Variants in ATG7 observed in about 807,000 individuals in gnomAD.
The protein encoded by ATG7 is autophagy related 7, also known as ubiquitin-like modifier-activating enzyme ATG7.
ATG7 carries 70 observed loss-of-function variants against 82.4 expected under a neutral mutation model. The ratio of observed to expected loss-of-function variants is 0.85; its 90% confidence interval spans 0.70 to 1.04. ATG7 has a LOEUF of 1.04. ATG7 is among the 50% of genes least tolerant of loss of function. The probability of loss-of-function intolerance (pLI) is 0.00; values close to 1 mark genes in which losing one functional copy is unlikely to be tolerated. For synonymous variants in ATG7, 287 were observed against 313.0 expected, an observed-to-expected ratio of 0.92 and a Z score of 0.88; for missense variants, 792 against 864.3, an observed-to-expected ratio of 0.92 and a Z score of 1.05.
At chr3:11,316,932 C>CT (rs148419342) in intron 9 of ATG7, among the ~76,000 whole-genome samples, 4 of 149,726 alleles carry the variant, frequency 2.7e-5, no homozygotes, top group South Asian at 2.1e-4. Flanking sequence ...CTTAGGATGA[C>CT]TTTTTTTTTT....
intron 7 of ATG7, 115 bp downstream of exon 7, chr3:11,309,176 A>G (rs1948239944): frequency 9.7e-7 from 1 of 1,026,042 alleles, no homozygotes; most frequent in African/African-American, 1.6e-5. Context: ...TGTTACTTAA[A>G]TAATAGCTGT....
At chr3:11,489,291 T>G in intron 20 of ATG7, among the ~76,000 whole-genome samples, 1 of 152,218 alleles carries the variant, frequency 6.6e-6, no homozygotes, top group Non-Finnish European at 1.5e-5. Flanking sequence ...TATTCTCTGA[T>G]GGTATTTTGT....
intron 9 of ATG7, among the ~76,000 whole-genome samples, chr3:11,331,032 C>G (rs1194343257): frequency 1.3e-5 from 2 of 152,056 alleles, no homozygotes; most frequent in South Asian, 2.1e-4. Context: ...CTTGACTGTC[C>G]TCCTTCATTC....
rs142749866 is a variant in ATG7, at chr3:11,480,568, T to G, written c.2079+53642T>G. ...GGGCAACAAAGTATGAGACCCTGTT[T>G]CAAGAAACAGACAAAAAAACCTTAC... On this transcript the variant is annotated intron_variant, in intron 20 of 20. Transcript: ENST00000693202. 6.4e-4 allele frequency among the ~76,000 whole-genome samples: 97 copies of G among 151,892 alleles called. 1 individual carries two copies. Among genetic ancestry groups the G allele is most frequent in the Middle Eastern group, 3.4e-3 (1 of 294 alleles).
intron 20 of ATG7, among the ~76,000 whole-genome samples, chr3:11,462,754 C>T (rs1425492240): frequency 2.0e-5 from 3 of 152,070 alleles, no homozygotes; most frequent in African/African-American, 7.2e-5. Flanking sequence ...GGGCAGTCTT[C>T]CCAGCTAGAA....
chr3:11,474,000 T>G (rs1389396069), intron 20 of ATG7, among the ~76,000 whole-genome samples: 1 of 152,230 alleles, frequency 6.6e-6, no homozygotes, highest in Non-Finnish European at 1.5e-5. Flanking sequence ...ACATCTGATT[T>G]GGCAAGACAG....
downstream of ATG7, chr3:11,559,377 C>T (rs1467789633): frequency 3.2e-6 from 5 of 1,554,310 alleles, no homozygotes; most frequent in Admixed American, 5.8e-5. Flanking sequence ...GCGGCACAGC[C>T]GCTGTGCGCG....
intron 20 of ATG7, among the ~76,000 whole-genome samples, chr3:11,515,297 C>CGTGTGTGTGTATGTGTGTGTGTAT (rs11276590): frequency 1.3e-5 from 2 of 151,216 alleles, no homozygotes; most frequent in African/African-American, 2.4e-5. Context: ...GTCTCTTGCG[C>CGTGTGTGTGTATGTGTGTGTGTAT]GTGTGTGTGT....
rs959327951 is a variant in ATG7, at chr3:11,488,453, G to A, written c.2079+61527G>A. 5.4e-4 allele frequency: 689 copies of A among 1,278,684 alleles called. 2 individuals carry two copies. The African/African-American group carries it at 5.7e-3, about 11-fold the overall frequency. 79.2% of individuals were successfully genotyped at this position (1,278,684 alleles called of 1,614,324 possible). On this transcript the variant is annotated intron_variant, in intron 20 of 20. Transcript: ENST00000693202. ...CGGGCAGCGGCGGCTGCGGTCGGTC[G>A]CGGCAGCGGCTCCGCTTCATATCTG...
chr3:11,493,371 T>TG (rs746918339), intron 20 of ATG7, among the ~76,000 whole-genome samples: 40 of 152,248 alleles, frequency 2.6e-4, no homozygotes, highest in Non-Finnish European at 5.0e-4. Context: ...AGACACAGGA[T>TG]GGGGGGACAG....
chr3:11,426,485 C>A (rs993436911), intron 19 of ATG7, among the ~76,000 whole-genome samples: 1 of 151,892 alleles, frequency 6.6e-6, no homozygotes, highest in Non-Finnish European at 1.5e-5. Flanking sequence ...TTTCTCTCAC[C>A]TGTTCTTTTC....
intron 7 of ATG7, among the ~76,000 whole-genome samples, chr3:11,310,017 T>C (rs965432091): frequency 1.3e-5 from 2 of 151,906 alleles, no homozygotes; most frequent in African/African-American, 4.8e-5. Flanking sequence ...AATATAAAAA[T>C]TAGCTGGGTG....
chr3:11,564,560 A>G, the ATG7 span, among the ~76,000 whole-genome samples: 1 of 152,038 alleles, frequency 6.6e-6, no homozygotes, highest in African/African-American at 2.4e-5. Flanking sequence ...CGTGAGTGCT[A>G]AGAGGCAAGG....
chr3:11,475,819 G>A (rs544160960), intron 20 of ATG7, among the ~76,000 whole-genome samples: 2 of 149,576 alleles, frequency 1.3e-5, no homozygotes, highest in South Asian at 4.3e-4. Flanking sequence ...TAGGCAGTTG[G>A]TATTATTTCT....
At chr3:11,393,123 A>G (rs536182363) in intron 19 of ATG7, among the ~76,000 whole-genome samples, 1 of 152,270 alleles carries the variant, frequency 6.6e-6, no homozygotes, top group African/African-American at 2.4e-5. Flanking sequence ...CCAGAGTGCC[A>G]CTGCAGAAAG....
At chr3:11,287,499 T>C (rs992611290) in intron 3 of ATG7, among the ~76,000 whole-genome samples, 1 of 151,994 alleles carries the variant, frequency 6.6e-6, no homozygotes, top group Admixed American at 6.6e-5. Context: ...GGCCGTGGGG[T>C]AGAACTAGAA....
chr3:11,565,353 G>A, the ATG7 span, among the ~76,000 whole-genome samples: 10 of 152,294 alleles, frequency 6.6e-5, no homozygotes, highest in African/African-American at 1.4e-4. This position sits in a 1 kb window ranked among gnomAD's most constrained non-coding sequence, Gnocchi z 4.1. Context: ...AAGCTGGTTC[G>A]ATAAGGACCT....
chr3:11,455,862 T>C (rs1409875990), intron 20 of ATG7, among the ~76,000 whole-genome samples: 1 of 152,184 alleles, frequency 6.6e-6, no homozygotes, highest in Non-Finnish European at 1.5e-5. Context: ...TCTCAAAACT[T>C]ACCTCAAATA....
chr3:11,427,636 T>C (rs146322874), intron 20 of ATG7, among the ~76,000 whole-genome samples: 1 of 151,828 alleles, frequency 6.6e-6, no homozygotes, highest in Non-Finnish European at 1.5e-5. Flanking sequence ...GCCAACATAG[T>C]GAAACCGTGT....
Sources: gnomAD v4.1 joint callset for allele counts (sites outside exome capture counted in the v4.1 genomes callset) on GRCh38, gnomAD v4.1.1 for gene constraint, Gnocchi (gnomAD v3.1) non-coding constraint, MANE v1.5 for transcripts, NCBI Gene and HGNC (gene_info 2026-07-23, HGNC 2026-07-21) for gene names.